The following CDIN1 variants were observed in gnomAD, a reference collection of about 807,000 sequenced individuals.
CDIN1 encodes the protein CDAN1 interacting nuclease 1.
In CDIN1, 33 loss-of-function variants were observed where a neutral mutation model predicts 45.3. The observed-to-expected ratio is 0.73, with a 90% CI of 0.55 to 0.97. The LOEUF is 0.97. CDIN1 is among the 50% of genes least tolerant of loss of function. The pLI is 0.00. For synonymous variants in CDIN1, 118 were observed against 124.4 expected (o/e 0.95, Z 0.34); for missense variants, 303 against 339.4 (o/e 0.89, Z 0.84).
intron 5 of CDIN1, among the ~76,000 whole-genome samples, chr15:36,672,734 A>T (rs887719567): frequency 1.3e-5 from 2 of 151,968 alleles, no homozygotes; most frequent in African/African-American, 4.8e-5. Context: ...ATCCAGAAGC[A>T]TATTCATCAC....
intron 10 of CDIN1, among the ~76,000 whole-genome samples, chr15:36,712,414 T>C (rs1181122116): frequency 2.0e-5 from 3 of 151,766 alleles, no homozygotes; most frequent in African/African-American, 7.3e-5. Flanking sequence ...TACAGGTGCC[T>C]CACACCACTC....
chr15:36,624,889 AG>A (rs1371728104), intron 1 of CDIN1, among the ~76,000 whole-genome samples: 6 of 152,178 alleles, frequency 3.9e-5, no homozygotes, highest in Non-Finnish European at 7.3e-5. Flanking sequence ...GTTTTATATG[AG>A]GTTTCTGTGA....
intron 10 of CDIN1, chr15:36,799,175 A>T (rs1404040543): frequency 6.6e-6 from 1 of 152,228 alleles, no homozygotes; most frequent in Non-Finnish European, 1.5e-5. Context: ...TAAATTCCAG[A>T]TCGATGGACA....
In CDIN1 at chr15:36,697,327, A is replaced by G. The variant is rs2042467028; in HGVS notation, c.481A>G (p.Ile161Val). 2.5e-6 allele frequency: 4 copies of G among 1,612,332 alleles called. No homozygotes were observed. Among genetic ancestry groups the G allele is most frequent in the African/African-American group, 1.3e-5 (1 of 74,766 alleles). ...CCCTTAACTGAAACTTCCCAGTGCC[A>G]TTGGTCATGAGCATGAGGTCCTGCT... The part of the protein sequence containing the change: ...GPLVDCIKHA[I>V]GHEHEVLLRD... Residue 161 changes from isoleucine to valine, a missense_variant, in exon 8 of 11, where the codon ATT becomes GTT. Coordinates refer to ENST00000566621, the MANE Select transcript of CDIN1 (RefSeq NM_001321759.2).
At chr15:36,802,758 A>T (rs2055093004) in intron 10 of CDIN1, among the ~76,000 whole-genome samples, 1 of 152,164 alleles carries the variant, frequency 6.6e-6, no homozygotes, top group Non-Finnish European at 1.5e-5. Flanking sequence ...TCAGAGAGTT[A>T]CAGGAAACCT....
rs372337437 is a variant in CDIN1, at chr15:36,657,844, G to A, written c.285G>A (p.Ala95=). 15 of 1,611,296 alleles carry A rather than the reference G, an allele frequency of 9.3e-6. No homozygotes were observed. Among genetic ancestry groups the A allele is most frequent in the East Asian group, 4.5e-5 (2 of 44,808 alleles). ...LLDLANEVDY[A]PSLMARLILE... ...TCTGTTTTATAAAGGTGGACTATGC[G>A]CCCTCATTAATGGCTCGGCTTATAC... Residue 95 remains alanine (A), a synonymous_variant, in exon 5 of 11, where the codon GCG becomes GCA. Transcript: ENST00000566621.
chr15:36,755,929 T>C, intron 10 of CDIN1: 1 of 380,230 alleles, frequency 2.6e-6, no homozygotes, highest in South Asian at 2.0e-5. Context: ...CTAGAGGGTG[T>C]TGTGTTAAAA....
intron 8 of CDIN1, among the ~76,000 whole-genome samples, chr15:36,699,556 T>C (rs1359725454): frequency 6.6e-6 from 1 of 152,178 alleles, no homozygotes. Context: ...TAATTTGGAC[T>C]GCATTCAAAA....
At chr15:36,774,564 T>C (rs1041734426) in intron 10 of CDIN1, among the ~76,000 whole-genome samples, 4 of 152,168 alleles carry the variant, frequency 2.6e-5, no homozygotes, top group Non-Finnish European at 5.9e-5. Context: ...ATTTTTTCCT[T>C]ATTTAAAAAG....
rs563461096 is a variant in CDIN1, at chr15:36,782,643, T to G, written c.717-25681T>G. Among the ~76,000 whole-genome samples the G allele has an allele frequency of 5.9e-5, 9 of 152,270 alleles. No individual in the cohort carries two copies. In the South Asian group the frequency reaches 8.3e-4, roughly 14 times the overall value. ...ATACAGAAGGTGTTTTCATGAGGGA[T>G]TTCTGAATGTATTATAATGCAAATT... is the stretch of plus-strand genomic sequence containing the variant. On this transcript the variant is annotated intron_variant, in intron 10 of 10. Transcript: ENST00000566621.
intron 10 of CDIN1, among the ~76,000 whole-genome samples, chr15:36,722,091 T>C (rs1248497707): frequency 6.6e-6 from 1 of 152,208 alleles, no homozygotes; most frequent in Non-Finnish European, 1.5e-5. Context: ...AGAGAGCTAA[T>C]CTAGTCTTTG....
At chr15:36,620,489 A>T (rs1474970030) in intron 1 of CDIN1, among the ~76,000 whole-genome samples, 2 of 151,962 alleles carry the variant, frequency 1.3e-5, no homozygotes, top group Admixed American at 1.3e-4. Flanking sequence ...TTTTTTTCTT[A>T]CTCCATATGT....
chr15:36,580,098 T>C, intron 1 of CDIN1, 137 bp downstream of exon 1: 1 of 740,558 alleles, frequency 1.4e-6, no homozygotes, highest in Non-Finnish European at 2.2e-6. Flanking sequence ...AGGTCGAGGT[T>C]GGCGAAAAAA....
chr15:36,630,968 A>AT (rs1450251923), intron 1 of CDIN1, among the ~76,000 whole-genome samples: 3 of 152,240 alleles, frequency 2.0e-5, no homozygotes, highest in African/African-American at 7.2e-5. Context: ...TACATCTCCC[A>AT]TTAGGCCCCA....
chr15:36,675,186 C>T (rs56882159), intron 5 of CDIN1, among the ~76,000 whole-genome samples: 3,371 of 152,068 alleles, frequency 0.022, 117 homozygotes, highest in African/African-American at 0.078. Flanking sequence ...TTATTGGTGA[C>T]TATTAACATT....
chr15:36,607,669 T>C (rs2038442892), intron 1 of CDIN1, among the ~76,000 whole-genome samples: 1 of 152,190 alleles, frequency 6.6e-6, no homozygotes, highest in African/African-American at 2.4e-5. Flanking sequence ...TATTGTACGT[T>C]ATATAAGTAT....
At chr15:36,635,123 A>G (rs1190297106) in intron 1 of CDIN1, among the ~76,000 whole-genome samples, 1 of 152,134 alleles carries the variant, frequency 6.6e-6, no homozygotes, top group East Asian at 1.9e-4. Context: ...CCTCTAACAG[A>G]CTATACCCTA....
chr15:36,777,384 C>T (rs541633572), intron 10 of CDIN1, among the ~76,000 whole-genome samples: 11 of 150,256 alleles, frequency 7.3e-5, no homozygotes, highest in Non-Finnish European at 1.6e-4. Flanking sequence ...TTTAGAGTTA[C>T]GCTTTGTTGG....
chr15:36,709,986 A>G (rs1219338351), intron 10 of CDIN1, 25 bp downstream of exon 10: 1 of 1,530,596 alleles, frequency 6.5e-7, no homozygotes. Context: ...TTTTTCTTTT[A>G]AGATAAACGA....
Sources: gnomAD v4.1 joint callset for allele counts (sites outside exome capture counted in the v4.1 genomes callset) on GRCh38, gnomAD v4.1.1 for gene constraint, MANE v1.5 for transcripts, NCBI Gene and HGNC (gene_info 2026-07-23, HGNC 2026-07-21) for gene names.